The following GPR63 variants were observed in gnomAD, a reference collection of about 807,000 sequenced individuals.
GPR63 encodes G protein-coupled receptor 63, also known as probable G protein-coupled receptor 63.
A neutral mutation model predicts 23.1 loss-of-function variants in GPR63; 12 were observed. That is an observed-to-expected ratio of 0.52 (90% confidence interval 0.33 to 0.84). The LOEUF (loss-of-function observed/expected upper bound fraction) is 0.84. GPR63 is among the 40% of genes least tolerant of loss of function. The probability of loss-of-function intolerance (pLI) is 0.02; values close to 1 mark genes in which losing one functional copy is unlikely to be tolerated. For synonymous variants in GPR63, 172 were observed against 191.1 expected (o/e 0.90, Z 0.82); for missense variants, 472 against 515.6 (o/e 0.92, Z 0.82).
chr6:96,812,498 A>G (rs1774068585), intron 1 of GPR63, among the ~76,000 whole-genome samples: 1 of 152,178 alleles, frequency 6.6e-6, no homozygotes. Flanking sequence ...ACTTCTGATG[A>G]CAATCAAAAC....
chr6:96,825,571 A>G (rs1330585523), intron 1 of GPR63, among the ~76,000 whole-genome samples: 3 of 152,064 alleles, frequency 2.0e-5, no homozygotes, highest in African/African-American at 4.8e-5. Flanking sequence ...GATCTTACCA[A>G]AGTGAGATTC....
At chr6:96,825,802 T>A (rs1355617602) in intron 1 of GPR63, among the ~76,000 whole-genome samples, 1 of 152,094 alleles carries the variant, frequency 6.6e-6, no homozygotes, top group Non-Finnish European at 1.5e-5. Context: ...TAGTCTTTTT[T>A]TTTATTTATT....
intron 1 of GPR63, among the ~76,000 whole-genome samples, chr6:96,833,513 G>T (rs564250472): frequency 6.6e-6 from 1 of 152,144 alleles, no homozygotes; most frequent in Admixed American, 6.5e-5. Flanking sequence ...TAGGAGAAAG[G>T]TAACAGCTAG....
intron 1 of GPR63, among the ~76,000 whole-genome samples, chr6:96,836,058 A>G (rs1774719531): frequency 6.6e-6 from 1 of 152,168 alleles, no homozygotes; most frequent in Non-Finnish European, 1.5e-5. Context: ...TTTACAAAAT[A>G]TAGGGACTTT....
At chr6:96,804,215 T>TA (rs1386363802) in intron 1 of GPR63, among the ~76,000 whole-genome samples, 1 of 152,282 alleles carries the variant, frequency 6.6e-6, no homozygotes, top group East Asian at 1.9e-4. Flanking sequence ...CCTCTTTCCT[T>TA]AGTCTTACCT....
chr6:96,824,420 C>G (rs11756021), intron 1 of GPR63, among the ~76,000 whole-genome samples: 4,941 of 151,900 alleles, frequency 0.033, 122 homozygotes, highest in Middle Eastern at 0.072. Flanking sequence ...CTAAAACAAT[C>G]CCATTTCTAC....
intron 1 of GPR63, among the ~76,000 whole-genome samples, chr6:96,805,058 T>C (rs1773861851): frequency 6.6e-6 from 1 of 152,206 alleles, no homozygotes; most frequent in East Asian, 1.9e-4. Context: ...AGCTGGGTTA[T>C]CTTTTTCTTA....
intron 1 of GPR63, among the ~76,000 whole-genome samples, chr6:96,828,335 T>C (rs1403395464): frequency 6.6e-6 from 1 of 152,090 alleles, no homozygotes; most frequent in Non-Finnish European, 1.5e-5. Context: ...CCTTATAGTC[T>C]TATTTAATCT....
At position 96,799,829 on chromosome 6, in the gene GPR63, A is replaced by T. The variant is rs9320308; in HGVS notation, c.-98T>A. The T allele has an allele frequency of 0.046, 57,386 of 1,240,084 alleles. 2,222 individuals are homozygous for T. The highest frequency in any genetic ancestry group is 0.19 in the African/African-American group (12,727 of 67,642). 76.8% of individuals were successfully genotyped at this position (1,240,084 alleles called of 1,614,324 possible). On this transcript the variant is annotated 5_prime_UTR_variant, in exon 2 of 2. It introduces an in-frame stop codon into an upstream open reading frame of the 5' UTR. Transcript: ENST00000229955. ...TCAGGTCCCATTGATGGGCTTGGAAATACATTCTGGAAAATGGACAATGAG... is the reference window on the plus strand; with the variant it reads ...TCAGGTCCCATTGATGGGCTTGGAATTACATTCTGGAAAATGGACAATGAG...
intron 1 of GPR63, among the ~76,000 whole-genome samples, chr6:96,829,252 C>A (rs1403204830): frequency 6.6e-6 from 1 of 152,166 alleles, no homozygotes; most frequent in African/African-American, 2.4e-5. Context: ...TGGAGCTAAC[C>A]TTAACAAGCA....
chr6:96,808,108 C>T (rs1773943172), intron 1 of GPR63, among the ~76,000 whole-genome samples: 1 of 152,118 alleles, frequency 6.6e-6, no homozygotes, highest in Non-Finnish European at 1.5e-5. Flanking sequence ...TTTTCAAAAA[C>T]ATATTGCTAA....
At chr6:96,808,098 T>C (rs1365612823) in intron 1 of GPR63, among the ~76,000 whole-genome samples, 4 of 152,196 alleles carry the variant, frequency 2.6e-5, no homozygotes, top group Admixed American at 2.6e-4. Flanking sequence ...CACATGTATG[T>C]TTTCAAAAAC....
chr6:96,799,595 T>C lies in GPR63; in HGVS notation c.137A>G (p.Tyr46Cys). 1 of 1,614,162 alleles carries C rather than the reference T, an allele frequency of 6.2e-7. No homozygotes were observed. The highest frequency in any genetic ancestry group is 8.5e-7 in the Non-Finnish European group (1 of 1,180,028). Residue 46 changes from tyrosine (Y) to cysteine (C), a missense_variant, in exon 2 of 2, where the codon TAT becomes TGT. Transcript: ENST00000229955. The stretch of plus-strand genomic sequence containing the variant: ...AGTGGGAGCCATGGTTTCAAAACTA[T>C]ATCTAAGCAATGGACTGAGGTCAGG... ...QHPDLSPLLR[Y>C]SFETMAPTGL...
At position 96,798,844 on chromosome 6, in the gene GPR63, C is replaced by A; in HGVS notation, c.888G>T (p.Leu296=). Residue 296 remains leucine (L), a synonymous_variant, in exon 2 of 2, where the codon CTG becomes CTT. Transcript: ENST00000229955. ...SQASKLGLMS[L]QRPFQMSIDM... is the part of the protein sequence containing the mutation. ...CAATGCTCATCTGGAAAGGTCTCTG[C>A]AGACTCATGAGACCCAGTTTGCTGG... 6.2e-7 allele frequency: 1 copy of A among 1,614,186 alleles called. No individual in the cohort carries two copies. Among genetic ancestry groups the A allele is most frequent in the Non-Finnish European group, 8.5e-7 (1 of 1,180,028 alleles).
intron 1 of GPR63, among the ~76,000 whole-genome samples, chr6:96,804,402 C>A (rs562114640): frequency 1.1e-4 from 16 of 152,294 alleles, no homozygotes; most frequent in Non-Finnish European, 1.8e-4. Context: ...TCCTAGAAGG[C>A]AGCCATTGAT....
At chr6:96,827,978 G>A (rs1038212873) in intron 1 of GPR63, among the ~76,000 whole-genome samples, 4 of 152,006 alleles carry the variant, frequency 2.6e-5, no homozygotes, top group African/African-American at 9.7e-5. Context: ...AACAGATACT[G>A]TATAAAGCAA....
rs773220421 is a variant in GPR63, at chr6:96,799,334, A to G, written c.398T>C (p.Leu133Pro). Residue 133 changes from leucine to proline, a missense_variant, in exon 2 of 2, where the codon CTG (leucine) becomes CCG (proline). Leu to Pro is a moderately conservative substitution (Grantham distance 98, BLOSUM62 -3). Transcript: ENST00000229955. ...AGTTACCAGGGCAAAGGGCATGTTC[A>G]GCACTGCAAGCAACATGTCTGCAAA... ...LAFADMLLAV[L>P]NMPFALVTIL... 2 of 1,614,204 alleles carry G rather than the reference A, an allele frequency of 1.2e-6. No homozygotes were observed. Among genetic ancestry groups the G allele is most frequent in the South Asian group, 2.2e-5 (2 of 91,084 alleles).
At chr6:96,800,222 T>G (rs1470857614) in intron 1 of GPR63, among the ~76,000 whole-genome samples, 1 of 152,228 alleles carries the variant, frequency 6.6e-6, no homozygotes, top group African/African-American at 2.4e-5. Context: ...ATTTTCATGC[T>G]TTGCTATAGT....
At chr6:96,814,540 C>T (rs1774116398) in intron 1 of GPR63, among the ~76,000 whole-genome samples, 1 of 152,122 alleles carries the variant, frequency 6.6e-6, no homozygotes, top group African/African-American at 2.4e-5. Context: ...AATCACACAG[C>T]TGGTGGGAGG....
Sources: allele counts gnomAD v4.1 joint callset (sites outside exome capture counted in the v4.1 genomes callset), GRCh38; gene constraint gnomAD v4.1.1; transcripts MANE v1.5; gene names NCBI Gene and HGNC (gene_info 2026-07-23, HGNC 2026-07-21).